IARS1: variants seen among roughly 807,000 people sequenced by gnomAD.
IARS1 encodes the protein isoleucine--tRNA ligase, cytoplasmic.
IARS1 carries 124 observed loss-of-function variants against 168.2 expected under a neutral mutation model. That is an observed-to-expected ratio of 0.74 (90% CI 0.64 to 0.86). IARS1 has a LOEUF of 0.86. IARS1 is among the 40% of genes least tolerant of loss of function. IARS1 has a pLI of 0.00. For missense variants in IARS1, 1,452 were observed against 1,515.8 expected (o/e 0.96, Z 0.70); for synonymous variants, 532 against 529.4 (o/e 1.00, Z -0.07).
chr9:92,221,262 T>C (rs936652107), intron 33 of IARS1, among the ~76,000 whole-genome samples: 1 of 152,036 alleles, frequency 6.6e-6, no homozygotes, highest in African/African-American at 2.4e-5. Context: ...AAACAAGGTG[T>C]CAGAAGGAGA....
rs777027760 is a variant in IARS1, at chr9:92,240,690, G to A, written c.3283+166C>T. 18 of 717,858 alleles carry A rather than the reference G, an allele frequency of 2.5e-5. No homozygotes were observed. Among genetic ancestry groups the A allele is most frequent in the South Asian group, 7.4e-5 (5 of 67,270 alleles). The allele number at this position is 717,858 out of a possible 1,614,324, so 44.5% of individuals were successfully genotyped here. ...TTTCAGGAATGATCCACTGCATCTCGCCTAGTGAATTCATTTTGATGACAA... is the reference window on the plus strand; with the variant it reads ...TTTCAGGAATGATCCACTGCATCTCACCTAGTGAATTCATTTTGATGACAA... On this transcript the variant is annotated intron_variant, in intron 30 of 33. Transcript: ENST00000443024.
At chr9:92,251,912 A>G in intron 21 of IARS1, 27 bp from the exon 22 acceptor site, 1 of 1,466,104 alleles carries the variant, frequency 6.8e-7, no homozygotes, top group Non-Finnish European at 9.5e-7. Flanking sequence ...AAACATAAAC[A>G]TTAAACTGTT....
At chr9:92,255,912 T>C (rs1423157573) in intron 20 of IARS1, among the ~76,000 whole-genome samples, 1 of 152,078 alleles carries the variant, frequency 6.6e-6, no homozygotes, top group East Asian at 1.9e-4. Context: ...ATATGATAAA[T>C]GCTTGAGGTG....
At chr9:92,244,853 C>G in intron 27 of IARS1, 106 bp downstream of exon 27, 1 of 821,958 alleles carries the variant, frequency 1.2e-6, no homozygotes, top group Non-Finnish European at 2.0e-6. Context: ...GTTTATTTTA[C>G]CCTGAGACAA....
At chr9:92,271,468 T>C in intron 11 of IARS1, 65 bp downstream of exon 11, 1 of 1,580,158 alleles carries the variant, frequency 6.3e-7, no homozygotes, top group Non-Finnish European at 8.7e-7. Context: ...ACAATACAAT[T>C]ATAAATGATG....
rs752170217 is a variant in IARS1, at chr9:92,253,450, T to C, written c.2141A>G (p.Tyr714Cys). 2.5e-6 allele frequency: 4 copies of C among 1,610,658 alleles called. No homozygotes were observed. The South Asian group carries it at 4.4e-5, about 18-fold the overall frequency. Reference protein sequence around the residue: ...IGFFETEMAAYRLYTVVPRLV... With the variant: ...IGFFETEMAACRLYTVVPRLV... The stretch of plus-strand genomic sequence containing the variant: ...GCGAGGCACCACAGTATAAAGCCTA[T>C]AAGCTAAAAGTAAGACAAGTCAATC... Residue 714 changes from tyrosine (Y) to cysteine (C), a missense_variant, in exon 21 of 34, where the codon TAT becomes TGT. Physicochemically the swap from Tyr to Cys is radical, Grantham distance 194. Coordinates refer to ENST00000443024, the MANE Select transcript of IARS1 (RefSeq NM_002161.6).
At chr9:92,225,328 T>C (rs148990291) in intron 31 of IARS1, among the ~76,000 whole-genome samples, 2,080 of 152,314 alleles carry the variant, frequency 0.014, 22 homozygotes, top group Non-Finnish European at 0.024. Flanking sequence ...AGTGTGGCAT[T>C]ATGTATTAAT....
rs771541827 is a variant in IARS1, at chr9:92,265,507, G to C, written c.1478C>G (p.Ala493Gly). ...SVAELEELSG[A>G]KISDLHRESV... ...CTCTCTGTGGAGATCTGAGATCTTT[G>C]CTCCTGACAGTTCTTCAAGTTCCGC... Residue 493 changes from alanine to glycine, a missense_variant, in exon 15 of 34, where the codon GCA (alanine) becomes GGA (glycine). Ala to Gly is a moderately conservative substitution (Grantham distance 60). Coordinates refer to ENST00000443024, the MANE Select transcript of IARS1 (RefSeq NM_002161.6). 6.2e-7 allele frequency: 1 copy of C among 1,613,502 alleles called. No individual in the cohort carries two copies. Among genetic ancestry groups the C allele is most frequent in the South Asian group, 1.1e-5 (1 of 91,048 alleles).
At chr9:92,244,258 G>A (rs1368769926) in intron 27 of IARS1, among the ~76,000 whole-genome samples, 1 of 152,088 alleles carries the variant, frequency 6.6e-6, no homozygotes, top group Non-Finnish European at 1.5e-5. Flanking sequence ...CGATACCTCC[G>A]ACTCCTTGCC....
At chr9:92,221,319 C>G (rs1384512954) in intron 33 of IARS1, among the ~76,000 whole-genome samples, 1 of 152,130 alleles carries the variant, frequency 6.6e-6, no homozygotes, top group Non-Finnish European at 1.5e-5. Flanking sequence ...AAGATAATGT[C>G]TGGCAATTTT....
chr9:92,215,420 G>A (rs1037447690), intron 33 of IARS1, among the ~76,000 whole-genome samples: 1 of 152,258 alleles, frequency 6.6e-6, no homozygotes, highest in Non-Finnish European at 1.5e-5. Context: ...AAGCTGGATG[G>A]AGAATGACTT....
intron 22 of IARS1, 24 bp from the exon 23 acceptor site, chr9:92,250,858 T>C (rs750399232): frequency 2.0e-5 from 31 of 1,583,516 alleles, no homozygotes; most frequent in African/African-American, 2.7e-5. Flanking sequence ...CAGGACATCA[T>C]GTCAGTTATA....
In IARS1 at chr9:92,242,277, T is replaced by C. The variant is rs1351643786; in HGVS notation, c.3054A>G (p.Glu1018=). Residue 1018 remains glutamate, a synonymous_variant, in exon 29 of 34, where the codon GAA becomes GAG. Coordinates refer to ENST00000443024, the MANE Select transcript of IARS1 (RefSeq NM_002161.6). The part of the protein sequence containing the change: ...EITVYYKAKS[E]GTYLNSVIES... ...CAATAACACTATTCAGATATGTTCC[T>C]TCAGACTTTGCTTTATAGTACACTG... 1.9e-6 allele frequency: 3 copies of C among 1,614,054 alleles called. No homozygotes were observed. The highest frequency in any genetic ancestry group is 2.2e-5 in the South Asian group (2 of 91,084).
At position 92,252,550 on chromosome 9, in the gene IARS1, T is replaced by C. The variant is rs79959170; in HGVS notation, c.2230-665A>G. On this transcript the variant is annotated intron_variant, in intron 21 of 33. Transcript: ENST00000443024. Reference sequence around the variant, plus strand: ...GAGAGGCTGAGGCCAGTGGATCACCTGAGGTCAGGAGTTTGAGACCAGCCT... The same window carrying C: ...GAGAGGCTGAGGCCAGTGGATCACCCGAGGTCAGGAGTTTGAGACCAGCCT... 4.0e-5 allele frequency among the ~76,000 whole-genome samples: 6 copies of C among 151,826 alleles called. No homozygotes were observed. In the East Asian group the frequency reaches 9.7e-4, roughly 24 times the overall value.
At chr9:92,252,050 C>T (rs1483003314) in intron 21 of IARS1, among the ~76,000 whole-genome samples, 165 bp from the exon 22 acceptor site, 1 of 152,246 alleles carries the variant, frequency 6.6e-6, no homozygotes, top group Non-Finnish European at 1.5e-5. Context: ...CATCCACGGT[C>T]AGTGCCACCA....
chr9:92,292,139 C>A lies in IARS1; in HGVS notation c.-8+1472G>T, dbSNP rs112851185. ...TTCAGGTGTTCCTCCCAGTTTAGCC[C>A]GCCAAGTAGCTAGGACTACAGGTGT... On this transcript the variant is annotated intron_variant, in intron 1 of 33. Coordinates refer to ENST00000443024, the MANE Select transcript of IARS1 (RefSeq NM_002161.6). 2.1e-3 allele frequency among the ~76,000 whole-genome samples: 311 copies of A among 149,764 alleles called. 2 individuals are homozygous for A. Among genetic ancestry groups the A allele is most frequent in the African/African-American group, 7.2e-3 (289 of 40,356 alleles).
chr9:92,217,663 A>T (rs1838952434), intron 33 of IARS1, among the ~76,000 whole-genome samples: 3 of 152,012 alleles, frequency 2.0e-5, no homozygotes, highest in Admixed American at 1.3e-4. Flanking sequence ...CAAATAAACT[A>T]GAAAATCTAG....
At position 92,293,635 on chromosome 9, in the gene IARS1, A is replaced by C; in HGVS notation, c.-32T>G. On this transcript the variant is annotated 5_prime_UTR_variant, in exon 1 of 34. Transcript: ENST00000443024. ...CCTGAGGGGCCTCGCGTGCCTGGACAGCCCCGCGGGCCAGCAAGCCTAAAA... is the reference window on the plus strand; with the variant it reads ...CCTGAGGGGCCTCGCGTGCCTGGACCGCCCCGCGGGCCAGCAAGCCTAAAA... 1 of 312,906 alleles carries C rather than the reference A, an allele frequency of 3.2e-6. No individual in the cohort carries two copies. Among genetic ancestry groups the C allele is most frequent in the East Asian group, 8.3e-5 (1 of 12,116 alleles). 19.4% of individuals were successfully genotyped at this position (312,906 alleles called of 1,614,324 possible). A position where few individuals can be genotyped will look rare whatever the true frequency, so the allele number is the denominator to read the frequency against.
At chr9:92,244,001 T>C (rs1828825281) in intron 27 of IARS1, among the ~76,000 whole-genome samples, 1 of 152,120 alleles carries the variant, frequency 6.6e-6, no homozygotes, top group Non-Finnish European at 1.5e-5. Context: ...TACCTTTGAG[T>C]AAACAGAGAA....
Sources: gnomAD v4.1 joint callset for allele counts (sites outside exome capture counted in the v4.1 genomes callset) on GRCh38, gnomAD v4.1.1 for gene constraint, MANE v1.5 for transcripts, NCBI Gene and HGNC (gene_info 2026-07-23, HGNC 2026-07-21) for gene names.